Variants in SLC25A29 observed in about 807,000 individuals in gnomAD.
SLC25A29 encodes the protein mitochondrial basic amino acids transporter.
In SLC25A29, 13 loss-of-function variants were observed where a neutral mutation model predicts 10.0. That is an observed-to-expected ratio of 1.30 (90% CI 0.85 to 2.07). The LOEUF is 2.07. Ranked by LOEUF, SLC25A29 falls within the 30% of genes most tolerant of loss-of-function variation. SLC25A29 has a pLI of 0.00. For synonymous variants in SLC25A29, 244 were observed against 221.1 expected, an observed-to-expected ratio of 1.10 and a Z score of -0.92; for missense variants, 475 against 447.6, an observed-to-expected ratio of 1.06 and a Z score of -0.55.
At chr14:100,288,382 CAAAAAAAAAAAA>C (rs541814439), downstream of SLC25A29, among the ~76,000 whole-genome samples, 4 of 63,832 alleles carry the variant, frequency 6.3e-5, no homozygotes, top group East Asian at 5.8e-4. Flanking sequence ...AACTCTATCT[CAAAAAAAAAAAA>C]AAAAAAAAAA....
chr14:100,306,048 G>A, intron 1 of SLC25A29, 151 bp downstream of exon 1: 1 of 511,402 alleles, frequency 2.0e-6, no homozygotes, highest in Non-Finnish European at 3.2e-6. Flanking sequence ...TTACGCCCAC[G>A]AGACCCGCCC....
chr14:100,306,242 C>T lies in SLC25A29; in HGVS notation c.-10G>A. 2 of 1,487,170 alleles carry T rather than the reference C, an allele frequency of 1.3e-6. No homozygotes were observed. The highest frequency in any genetic ancestry group is 1.8e-6 in the Non-Finnish European group (2 of 1,122,232). 92.1% of individuals were successfully genotyped at this position (1,487,170 alleles called of 1,614,324 possible). On this transcript the variant is annotated 5_prime_UTR_variant, in exon 1 of 4. Transcript: ENST00000359232. ...AGAAGTCCAGCGCCATGGCCGGGTC[C>T]CCGGCGAGGCCGCCTTTCCTCCTCG...
intron 1 of SLC25A29, chr14:100,299,317 C>T: frequency 9.7e-7 from 1 of 1,028,010 alleles, no homozygotes; most frequent in African/African-American, 1.7e-5. Flanking sequence ...TTTCCCCCTG[C>T]CGCTCATCAG....
Position 100,292,515 on chromosome 14 carries a change from C to T in SLC25A29, c.680G>A (p.Arg227His), listed in dbSNP as rs201690321. The T allele has an allele frequency of 6.3e-7, 1 of 1,589,340 alleles. No homozygotes were observed. The change falls in exon 4 of 4, where the codon CGC becomes CAC. Residue 227 changes from arginine (R) to histidine (H), a missense_variant. By Grantham distance (29) the Arg-to-His change is conservative (BLOSUM62 0). Transcript: ENST00000359232. ...LQADGLRGAP[R>H]YRGILDCVHQ... ...CACGCAGTCCAGGATGCCGCGGTAG[C>T]GCGGGGCGCCCCGCAGTCCGTCCGC... is the stretch of plus-strand genomic sequence containing the variant.
chr14:100,295,544 C>T (rs762820192), intron 2 of SLC25A29: 29 of 1,250,554 alleles, frequency 2.3e-5, no homozygotes, highest in East Asian at 5.7e-5. Flanking sequence ...TCCCCTGCTA[C>T]GGAGGGAACT....
the SLC25A29 span, among the ~76,000 whole-genome samples, chr14:100,285,552 G>A: frequency 6.6e-6 from 1 of 151,932 alleles, no homozygotes; most frequent in South Asian, 2.1e-4. Flanking sequence ...GAATCCCTGA[G>A]TGTGGGGTCC....
At chr14:100,288,382 C>CAAAAAAAAAAAA (rs541814439), downstream of SLC25A29, among the ~76,000 whole-genome samples, 1 of 63,832 alleles carries the variant, frequency 1.6e-5, no homozygotes. Flanking sequence ...AACTCTATCT[C>CAAAAAAAAAAAA]AAAAAAAAAA....
At chr14:100,280,425 C>A in the SLC25A29 span, 1 of 152,064 alleles carries the variant, frequency 6.6e-6, no homozygotes, top group Non-Finnish European at 1.5e-5. Flanking sequence ...TTTTGAATTT[C>A]TTATTATTTC....
At chr14:100,306,109 CG>C in intron 1 of SLC25A29, 89 bp downstream of exon 1, 1 of 983,532 alleles carries the variant, frequency 1.0e-6, no homozygotes, top group Non-Finnish European at 1.4e-6. Context: ...CCCCCGCCAG[CG>C]GGAAGCCGCG....
At chr14:100,301,408 G>A (rs531117091) in intron 1 of SLC25A29, among the ~76,000 whole-genome samples, 64 of 151,586 alleles carry the variant, frequency 4.2e-4, no homozygotes, top group Non-Finnish European at 4.4e-5. Flanking sequence ...TCATTGATCC[G>A]CCTGCCTCGG....
intron 1 of SLC25A29, 57 bp downstream of exon 1, chr14:100,306,142 C>T: frequency 7.6e-7 from 1 of 1,317,926 alleles, no homozygotes; most frequent in Non-Finnish European, 1.0e-6. Flanking sequence ...TGCTGGTGGG[C>T]CGACCTCCCT....
the SLC25A29 span, among the ~76,000 whole-genome samples, chr14:100,283,846 G>A: frequency 2.0e-5 from 3 of 151,884 alleles, no homozygotes; most frequent in Non-Finnish European, 2.9e-5. Context: ...TATACTTGCC[G>A]GTGTCTCTGC....
chr14:100,293,798 G>A (rs1358255125), intron 2 of SLC25A29: 1 of 167,016 alleles, frequency 6.0e-6, no homozygotes, highest in Non-Finnish European at 1.3e-5. Flanking sequence ...TCCCATCAGA[G>A]ACTGGCTTCG....
chr14:100,280,212 A>C, the SLC25A29 span: 3 of 152,206 alleles, frequency 2.0e-5, no homozygotes, highest in African/African-American at 7.2e-5. Context: ...TAGAATTTAT[A>C]ATTTTGCTAA....
chr14:100,280,113 G>C, the SLC25A29 span: 2 of 152,220 alleles, frequency 1.3e-5, no homozygotes, highest in Admixed American at 6.5e-5. Flanking sequence ...CACTGACTTT[G>C]CAACAATAGA....
chr14:100,293,463 G>T, intron 2 of SLC25A29, 86 bp from the exon 3 acceptor site: 1 of 1,271,232 alleles, frequency 7.9e-7, no homozygotes, highest in Non-Finnish European at 1.1e-6. Flanking sequence ...GCCTAGGAGG[G>T]TCTCCCAAGG....
intron 3 of SLC25A29, 63 bp from the exon 4 acceptor site, chr14:100,293,095 G>C (rs1891879996): frequency 3.4e-6 from 5 of 1,465,808 alleles, no homozygotes; most frequent in Non-Finnish European, 4.5e-6. Flanking sequence ...CCACGCGGAA[G>C]GGGGTCGGGG....
intron 1 of SLC25A29, 84 bp from the exon 2 acceptor site, chr14:100,298,969 A>G: frequency 6.4e-7 from 1 of 1,571,150 alleles, no homozygotes; most frequent in Non-Finnish European, 8.7e-7. Flanking sequence ...TCTGACAAGG[A>G]AGACTGGCAG....
At chr14:100,296,118 G>A in intron 2 of SLC25A29, 1 of 987,650 alleles carries the variant, frequency 1.0e-6, no homozygotes, top group African/African-American at 1.7e-5. Flanking sequence ...TATTCAACCA[G>A]GCAAAAGGGA....
Sources: allele counts gnomAD v4.1 joint callset (sites outside exome capture counted in the v4.1 genomes callset), GRCh38; gene constraint gnomAD v4.1.1; transcripts MANE v1.5; gene names NCBI Gene and HGNC (gene_info 2026-07-23, HGNC 2026-07-21).